BEAN1: variants seen among roughly 807,000 people sequenced by gnomAD.
BEAN1 encodes the protein brain expressed associated with NEDD4 1, also known as protein BEAN1.
A neutral mutation model predicts 17.7 loss-of-function variants in BEAN1; 17 were observed. The ratio of observed to expected loss-of-function variants is 0.96; its 90% CI spans 0.66 to 1.44. The LOEUF is 1.44. BEAN1 is among the 40% of genes most tolerant of loss of function. The pLI is 0.00. For missense variants in BEAN1, 359 were observed against 374.1 expected (o/e 0.96, Z 0.33); for synonymous variants, 142 against 151.8 (o/e 0.94, Z 0.47).
downstream of BEAN1, chr16:66,484,300 C>T: frequency 3.0e-6 from 1 of 330,744 alleles, no homozygotes; most frequent in South Asian, 2.5e-5. The surrounding 1 kb of genome is among the most constrained non-coding windows in gnomAD (Gnocchi z 4.2). Flanking sequence ...TGGTGTCCAG[C>T]CATGTGCTGC....
At chr16:66,475,820 A>C (rs1448245305) in intron 3 of BEAN1, 1 of 152,248 alleles carries the variant, frequency 6.6e-6, no homozygotes, top group Non-Finnish European at 1.5e-5. Flanking sequence ...AAATATAAAG[A>C]AATAAATAGG....
chr16:66,478,601 C>CA (rs1403524223), intron 4 of BEAN1, among the ~76,000 whole-genome samples: 4 of 151,822 alleles, frequency 2.6e-5, no homozygotes, highest in Non-Finnish European at 5.9e-5. Context: ...GACTTCGTCT[C>CA]AAAAAAATAA....
rs1407724005 is a variant in BEAN1 at position 66,427,582 on chromosome 16, C to A, written c.-83+151C>A. ...GCGCGGGGCGGGCGGATGCGCGGTCCGGAACGGAACCGCAGCGCGCTCGGA... is the reference window on the plus strand; with the variant it reads ...GCGCGGGGCGGGCGGATGCGCGGTCAGGAACGGAACCGCAGCGCGCTCGGA... On this transcript the variant is annotated intron_variant, in intron 1 of 4. Coordinates refer to ENST00000536005, the MANE Select transcript of BEAN1 (RefSeq NM_001178020.3). The surrounding 1 kb of genome is among the most constrained non-coding windows in gnomAD (Gnocchi z 4.7). Among the ~76,000 whole-genome samples, 4 of 151,930 alleles carry A rather than the reference C, an allele frequency of 2.6e-5. No individual in the cohort carries two copies. The highest frequency in any genetic ancestry group is 5.9e-5 in the Non-Finnish European group (4 of 67,932).
chr16:66,454,729 CTTTT>C (rs538469751), intron 2 of BEAN1, among the ~76,000 whole-genome samples: 144 of 83,684 alleles, frequency 1.7e-3, no homozygotes, highest in African/African-American at 5.8e-3. Context: ...TTCTTTCTTT[CTTTT>C]TTTTTTTTTT....
chr16:66,455,587 T>C (rs1962834376), intron 2 of BEAN1, among the ~76,000 whole-genome samples: 1 of 152,156 alleles, frequency 6.6e-6, no homozygotes, highest in East Asian at 1.9e-4. Flanking sequence ...AAGCTTTCCC[T>C]GGCCCTCATA....
intron 1 of BEAN1, among the ~76,000 whole-genome samples, chr16:66,431,988 G>A (rs1464730830): frequency 6.6e-6 from 1 of 151,908 alleles, no homozygotes; most frequent in African/African-American, 2.4e-5. Context: ...TGTATGTTTT[G>A]TAGAGACGAG....
At chr16:66,469,552 G>T in intron 2 of BEAN1, 50 bp from the exon 3 acceptor site, 1 of 1,484,888 alleles carries the variant, frequency 6.7e-7, no homozygotes, top group Non-Finnish European at 9.0e-7. Context: ...AGAAGGAAGG[G>T]GTGTGGCAGG....
Position 66,427,873 on chromosome 16 carries a change from GGGAGA to G in BEAN1, c.-83+446_-83+450del, listed in dbSNP as rs1259762717. Reference sequence around the variant, plus strand: ...ACTAGGGCGCACTCTCGGTCGGGGTGGGAGAGGAAAGGGGCTGGGGCTTCACGGAG... The same window carrying G: ...ACTAGGGCGCACTCTCGGTCGGGGTGGGAAAGGGGCTGGGGCTTCACGGAG... On this transcript the variant is annotated intron_variant, in intron 1 of 4. Coordinates refer to ENST00000536005, the MANE Select transcript of BEAN1 (RefSeq NM_001178020.3). This position sits in a 1 kb window ranked among gnomAD's most constrained non-coding sequence, Gnocchi z 4.7. The G allele has an allele frequency of 6.6e-6, 1 of 152,262 alleles. No homozygotes were observed. Among genetic ancestry groups the G allele is most frequent in the African/African-American group, 2.4e-5 (1 of 41,444 alleles). The allele number at this position is 152,262 out of a possible 1,614,324, so 9.4% of individuals were successfully genotyped here. A position where few individuals can be genotyped will look rare whatever the true frequency, so the allele number is the denominator to read the frequency against.
chr16:66,442,521 A>C (rs1962296432), intron 2 of BEAN1, among the ~76,000 whole-genome samples: 1 of 152,044 alleles, frequency 6.6e-6, no homozygotes, highest in Non-Finnish European at 1.5e-5. Flanking sequence ...TGCTGGGCTC[A>C]TGGTGGCTGC....
intron 2 of BEAN1, chr16:66,437,933 T>G (rs2053224775): frequency 4.8e-6 from 3 of 623,726 alleles, no homozygotes; most frequent in Non-Finnish European, 8.7e-6. Context: ...GTATCAGCCC[T>G]TCCCGAAGTG....
Position 66,434,017 on chromosome 16 carries a change from C to T in BEAN1, c.-82-3578C>T, listed in dbSNP as rs924248182. On this transcript the variant is annotated intron_variant, in intron 1 of 4. Transcript: ENST00000536005. This position sits in a 1 kb window ranked among gnomAD's most constrained non-coding sequence, Gnocchi z 4.3. ...GGGACATGAAGGGGAGTGGGAATGACGTGGACTTGCCACACACCATTCAGC... is the reference window on the plus strand; with the variant it reads ...GGGACATGAAGGGGAGTGGGAATGATGTGGACTTGCCACACACCATTCAGC... Among the ~76,000 whole-genome samples, 2 of 152,214 alleles carry T rather than the reference C, an allele frequency of 1.3e-5. No individual in the cohort carries two copies. Among genetic ancestry groups the T allele is most frequent in the African/African-American group, 2.4e-5 (1 of 41,458 alleles).
At chr16:66,460,971 T>C (rs749862123) in intron 2 of BEAN1, among the ~76,000 whole-genome samples, 23 of 152,190 alleles carry the variant, frequency 1.5e-4, no homozygotes, top group Non-Finnish European at 2.6e-4. Flanking sequence ...GTACCACGTA[T>C]GGTGTAAGGC....
intron 3 of BEAN1, chr16:66,470,139 GCTGCAC>G: frequency 1.8e-6 from 1 of 562,690 alleles, no homozygotes. Flanking sequence ...GTTGGTCCAG[GCTGCAC>G]CAAGGGCTGG....
downstream of BEAN1, among the ~76,000 whole-genome samples, chr16:66,487,021 AG>A (rs1964099327): frequency 6.6e-6 from 1 of 152,118 alleles, no homozygotes; most frequent in Non-Finnish European, 1.5e-5. Flanking sequence ...CATAGCAGGG[AG>A]GGGGCTTGGA....
chr16:66,486,285 G>A (rs1284644513), downstream of BEAN1, among the ~76,000 whole-genome samples: 1 of 152,176 alleles, frequency 6.6e-6, no homozygotes, highest in Non-Finnish European at 1.5e-5. Context: ...CTGGAGTGCA[G>A]TGGTACGATC....
In BEAN1 at chr16:66,493,066, G is replaced by C. The variant is rs911363927; in HGVS notation, c.252G>C (p.Glu84Asp). 9.2e-5 allele frequency: 65 copies of C among 703,032 alleles called. No individual in the cohort carries two copies. The African/African-American group carries it at 1.1e-3, about 12-fold the overall frequency. 43.5% of individuals were successfully genotyped at this position (703,032 alleles called of 1,614,324 possible). A position where few individuals can be genotyped will look rare whatever the true frequency, so the allele number is the denominator to read the frequency against. Reference sequence around the variant, plus strand: ...GCTACACGGCCACCTTGGAGTCTGAGTTCTCACTGGTCCAGGCCATCAGCA... The same window carrying C: ...GCTACACGGCCACCTTGGAGTCTGACTTCTCACTGGTCCAGGCCATCAGCA... Residue 84 changes from glutamate to aspartate, a missense_variant, in exon 5 of 5, where the codon GAG becomes GAC. Coordinates refer to the BEAN1 transcript ENST00000561796.
intron 4 of BEAN1, among the ~76,000 whole-genome samples, chr16:66,490,233 A>AG (rs1182498204): frequency 6.8e-6 from 1 of 146,710 alleles, no homozygotes; most frequent in African/African-American, 2.5e-5. Flanking sequence ...AAAAAAAAAA[A>AG]AAAAAAAAAA....
rs530662008 is a variant in BEAN1 at position 66,473,765 on chromosome 16, C to T, written c.290-3795C>T. The stretch of plus-strand genomic sequence containing the variant: ...AGGGAGGGGCAGTGTACCAGTGAAC[C>T]CCAACCTTTGGCACTGGGCCCCTTC... On this transcript the variant is annotated intron_variant, in intron 3 of 4. Transcript: ENST00000536005. The surrounding 1 kb of genome is among the most constrained non-coding windows in gnomAD (Gnocchi z 4.5). Among the ~76,000 whole-genome samples, 1 of 151,902 alleles carries T rather than the reference C, an allele frequency of 6.6e-6. No individual in the cohort carries two copies. The highest frequency in any genetic ancestry group is 2.1e-4 in the South Asian group (1 of 4,792).
downstream of BEAN1, among the ~76,000 whole-genome samples, chr16:66,487,765 C>G (rs922915296): frequency 3.9e-5 from 6 of 152,166 alleles, no homozygotes; most frequent in African/African-American, 1.4e-4. Flanking sequence ...GAACTTGAAC[C>G]AGGCCTCAGG....
Sources: gnomAD v4.1 joint callset for allele counts (sites outside exome capture counted in the v4.1 genomes callset) on GRCh38, gnomAD v4.1.1 for gene constraint, Gnocchi (gnomAD v3.1) non-coding constraint, MANE v1.5 for transcripts, NCBI Gene and HGNC (gene_info 2026-07-23, HGNC 2026-07-21) for gene names.